The following KRT28 variants were observed in gnomAD, a reference collection of about 807,000 sequenced individuals.
KRT28 encodes keratin, type I cytoskeletal 28.
In KRT28, 45 loss-of-function variants were observed where a neutral mutation model predicts 48.1. The observed-to-expected ratio is 0.94, with a 90% CI of 0.74 to 1.20. KRT28 has a LOEUF of 1.20. KRT28 is among the 50% of genes most tolerant of loss of function. The pLI is 0.00. For synonymous variants in KRT28, 228 were observed against 227.4 expected (o/e 1.00, Z -0.03); for missense variants, 571 against 574.1 (o/e 0.99, Z 0.06).
Position 40,797,214 on chromosome 17 carries a change from AC to A in KRT28, c.757del (p.Val253Ter). 1 of 1,613,834 alleles carries A rather than the reference AC, an allele frequency of 6.2e-7. No homozygotes were observed. Among genetic ancestry groups the A allele is most frequent in the South Asian group, 1.1e-5 (1 of 91,048 alleles). On this transcript the variant is annotated frameshift_variant, in exon 4 of 8. Transcript: ENST00000306658. LOFTEE classifies it high-confidence loss of function. The part of the protein sequence containing the change: ...VNVEMNAAPG[V>X]DLAVLLNNMR... ...GTTGTTCAACAAAACCGCGAGGTCT[AC>A]CCCCGGGGCCGCGTTCATCTCCACG...
chr17:40,793,949 A>G lies in KRT28; in HGVS notation c.1076T>C (p.Leu359Pro). The G allele has an allele frequency of 6.2e-7, 1 of 1,613,920 alleles. No homozygotes were observed. The highest frequency in any genetic ancestry group is 8.5e-7 in the Non-Finnish European group (1 of 1,179,838). ...CTCGGTCTCGGTTCTGACCTGGTGC[A>G]GCTGCTCCTCCAGGGCCCCGATCTG... ...QAQIGALEEQLHQVRTETEGQ... is the reference protein window; with the variant it reads ...QAQIGALEEQPHQVRTETEGQ... Residue 359 changes from leucine (L) to proline (P), a missense_variant, in exon 6 of 8, where the codon CTG (leucine) becomes CCG (proline). By Grantham distance (98) the Leu-to-Pro change is moderately conservative. Transcript: ENST00000306658.
intron 7 of KRT28, 36 bp from the exon 8 acceptor site, chr17:40,792,605 A>G (rs1364698089): frequency 5.9e-6 from 9 of 1,520,618 alleles, no homozygotes; most frequent in African/African-American, 2.8e-5. Flanking sequence ...ATATTCAACC[A>G]AAAAGATTAC....
In KRT28 at chr17:40,799,945, A is replaced by G. The variant is rs1197505721; in HGVS notation, c.-52T>C. On this transcript the variant is annotated 5_prime_UTR_variant, in exon 1 of 8. Transcript: ENST00000306658. ...CTATGCAAAACTGTAATGTCCCAAG[A>G]GAACAGAATATCATGCACTGATAAT... 1.5e-6 allele frequency: 2 copies of G among 1,350,592 alleles called. No individual in the cohort carries two copies. The highest frequency in any genetic ancestry group is 4.6e-5 in the East Asian group (2 of 43,614). 83.7% of individuals were successfully genotyped at this position (1,350,592 alleles called of 1,614,324 possible).
Position 40,798,385 on chromosome 17 carries a change from T to G in KRT28, c.540A>C (p.Glu180Asp). ...CGTTTTGGTGAAGGGTGAGCTCATT[T>G]TCATACCTTGGGGGGCATTTAAGTG... is the stretch of plus-strand genomic sequence containing the variant. ...LAADDFRLKYENELTLHQNVE... is the reference protein window; with the variant it reads ...LAADDFRLKYDNELTLHQNVE... Residue 180 changes from glutamate (E) to aspartate (D), a missense_variant, in exon 3 of 8, where the codon GAA becomes GAC. Glu to Asp is a conservative substitution (Grantham distance 45). Transcript: ENST00000306658. The G allele has an allele frequency of 6.2e-7, 1 of 1,604,002 alleles. No individual in the cohort carries two copies. Among genetic ancestry groups the G allele is most frequent in the Non-Finnish European group, 8.5e-7 (1 of 1,173,544 alleles).
rs2143075649 is a variant in KRT28 at position 40,797,255 on chromosome 17, A to G, written c.717T>C (p.Ala239=). 1 of 1,614,050 alleles carries G rather than the reference A, an allele frequency of 6.2e-7. No homozygotes were observed. ...TCATCTCCACGTTCACGTTGCCCCCAGCCGCGCACTGCAGAGCCTTCATCT... is the reference window on the plus strand; with the variant it reads ...TCATCTCCACGTTCACGTTGCCCCCGGCCGCGCACTGCAGAGCCTTCATCT... The part of the protein sequence containing the change: ...EEEMKALQCA[A]GGNVNVEMNA... Residue 239 remains alanine, a synonymous_variant, in exon 4 of 8, where the codon GCT becomes GCC. Coordinates refer to ENST00000306658, the MANE Select transcript of KRT28 (RefSeq NM_181535.3).
intron 5 of KRT28, among the ~76,000 whole-genome samples, chr17:40,796,303 C>A (rs1904612079): frequency 6.6e-6 from 1 of 152,214 alleles, no homozygotes; most frequent in African/African-American, 2.4e-5. Flanking sequence ...TGGGTTGACG[C>A]CATGCTGACC....
chr17:40,797,622 G>C (rs939745078), intron 3 of KRT28, among the ~76,000 whole-genome samples: 1 of 152,188 alleles, frequency 6.6e-6, no homozygotes, highest in African/African-American at 2.4e-5. Context: ...GGTGGTGTGC[G>C]CCTGTAGTCC....
intron 7 of KRT28, 98 bp downstream of exon 7, chr17:40,793,057 A>G: frequency 1.4e-6 from 1 of 722,402 alleles, no homozygotes; most frequent in Admixed American, 3.3e-5. Context: ...CCGAGATAGC[A>G]CCATTGCATT....
At position 40,797,010 on chromosome 17, in the gene KRT28, T is replaced by G; in HGVS notation, c.884A>C (p.Asp295Ala). The G allele has an allele frequency of 6.2e-7, 1 of 1,612,500 alleles. No individual in the cohort carries two copies. The highest frequency in any genetic ancestry group is 1.3e-5 in the African/African-American group (1 of 74,844). ...SASLQQQISH[D>A]SGAATFARSQ... ...CCGGGCGAAAGTGGCTGCGCCTGAG[T>G]CGTGGGAGATCTGTTGCTGCAGCGA... Residue 295 changes from aspartate (D) to alanine (A), a missense_variant, in exon 5 of 8, where the codon GAC (aspartate) becomes GCC (alanine). Physicochemically the swap from Asp to Ala is moderately radical, Grantham distance 126. Transcript: ENST00000306658.
In KRT28 at chr17:40,798,945, T is replaced by C. The variant is rs1264790663; in HGVS notation, c.505A>G (p.Arg169Gly). 6.2e-7 allele frequency: 1 copy of C among 1,608,516 alleles called. No homozygotes were observed. The highest frequency in any genetic ancestry group is 8.5e-7 in the Non-Finnish European group (1 of 1,177,282). Residue 169 changes from arginine to glycine, a missense_variant, in exon 2 of 8, where the codon AGA (arginine) becomes GGA (glycine). Physicochemically the swap from Arg to Gly is moderately radical, Grantham distance 125 (BLOSUM62 -2). Transcript: ENST00000306658. ...ANVILQIDNA[R>G]LAADDFRLKY... ...AGCCTGAAATCATCAGCAGCCAGTC[T>C]GGCATTATCAATCTGCAGAATGACA...
intron 5 of KRT28, among the ~76,000 whole-genome samples, chr17:40,794,416 G>A (rs1423434066): frequency 6.6e-6 from 1 of 152,124 alleles, no homozygotes; most frequent in Non-Finnish European, 1.5e-5. Flanking sequence ...TTATTTCAGG[G>A]TTACCTGTTG....
intron 7 of KRT28, 77 bp from the exon 8 acceptor site, chr17:40,792,646 A>G: frequency 9.6e-7 from 1 of 1,036,886 alleles, no homozygotes; most frequent in South Asian, 1.7e-5. Context: ...TCAATATAAT[A>G]TATTATGCAT....
At position 40,797,169 on chromosome 17, in the gene KRT28, G is replaced by C; in HGVS notation, c.803C>G (p.Ala268Gly). The C allele has an allele frequency of 6.2e-7, 1 of 1,614,160 alleles. No homozygotes were observed. Among genetic ancestry groups the C allele is most frequent in the Non-Finnish European group, 8.5e-7 (1 of 1,180,028 alleles). Residue 268 changes from alanine to glycine, a missense_variant, in exon 4 of 8, where the codon GCC becomes GGC. Ala to Gly is a moderately conservative substitution (Grantham distance 60). Transcript: ENST00000306658. ...GTCCTTGCGGTTCTGCTCTGCAAGG[G>C]CTTCGTACTCCGCTCGCATGTTGTT... ...LLNNMRAEYE[A>G]LAEQNRKDAE...
In KRT28 at chr17:40,799,645, A is replaced by G. The variant is rs1187665505; in HGVS notation, c.249T>C (p.Ser83=). Residue 83 remains serine, a synonymous_variant, in exon 1 of 8, where the codon TCT becomes TCC. Transcript: ENST00000306658. ...GFAGSEGGLL[S]GNEKVTMQNL... ...TTTGCATGGTCACCTTCTCATTTCC[A>G]GAGAGGAGTCCCCCTTCGCTTCCAG... The G allele has an allele frequency of 1.2e-6, 2 of 1,614,136 alleles. No individual in the cohort carries two copies. The highest frequency in any genetic ancestry group is 1.3e-5 in the African/African-American group (1 of 75,030).
chr17:40,798,881 C>T lies in KRT28; in HGVS notation c.533+36G>A, dbSNP rs183147626. 1.9e-5 allele frequency: 26 copies of T among 1,380,390 alleles called. No homozygotes were observed. The African/African-American group carries it at 2.9e-4, about 15-fold the overall frequency. The allele number at this position is 1,380,390 out of a possible 1,614,324, so 85.5% of individuals were successfully genotyped here. A position where few individuals can be genotyped will look rare whatever the true frequency, so the allele number is the denominator to read the frequency against. ...ATTTAACAAATTAAATAAATAGAAA[C>T]TTTTTTCTAGAGCAGGATTTTCTTC... On this transcript the variant is annotated intron_variant, in intron 2 of 7. Coordinates refer to ENST00000306658, the MANE Select transcript of KRT28 (RefSeq NM_181535.3).
Position 40,797,224 on chromosome 17 carries a change from C to A in KRT28, c.748G>T (p.Ala250Ser). 1.9e-6 allele frequency: 3 copies of A among 1,614,168 alleles called. No individual in the cohort carries two copies. The highest frequency in any genetic ancestry group is 2.5e-6 in the Non-Finnish European group (3 of 1,180,028). ...AAAACCGCGAGGTCTACCCCCGGGG[C>A]CGCGTTCATCTCCACGTTCACGTTG... ...GGNVNVEMNA[A>S]PGVDLAVLLN... The change falls in exon 4 of 8, where the codon GCC (alanine) becomes TCC (serine). Residue 250 changes from alanine to serine, a missense_variant. Transcript: ENST00000306658.
In KRT28 at chr17:40,798,342, C is replaced by T. The variant is rs771268029; in HGVS notation, c.583G>A (p.Gly195Arg). ...AGCTCGTCCAGGACTCGCCGTAATCCGTTGATGTCGGCCTCTACGTTTTGG... is the reference window on the plus strand; with the variant it reads ...AGCTCGTCCAGGACTCGCCGTAATCTGTTGATGTCGGCCTCTACGTTTTGG... ...LHQNVEADIN[G>R]LRRVLDELTL... The change falls in exon 3 of 8, where the codon GGA becomes AGA. Residue 195 changes from glycine to arginine, a missense_variant. Physicochemically the swap from Gly to Arg is moderately radical, Grantham distance 125 (BLOSUM62 -2). Coordinates refer to ENST00000306658, the MANE Select transcript of KRT28 (RefSeq NM_181535.3). 18 of 1,612,858 alleles carry T rather than the reference C, an allele frequency of 1.1e-5. No individual in the cohort carries two copies. Among genetic ancestry groups the T allele is most frequent in the Admixed American group, 1.7e-5 (1 of 60,004 alleles).
At position 40,794,029 on chromosome 17, in the gene KRT28, G is replaced by A. The variant is rs1333272937; in HGVS notation, c.996C>T (p.Cys332=). ...SLMATKHSLE[C]SLTETESNYC... Reference sequence around the variant, plus strand: ...AGTTGCTCTCGGTCTCTGTCAAGGAGCACTCCAGGGAGTGTTTCTGAGGAC... The same window carrying A: ...AGTTGCTCTCGGTCTCTGTCAAGGAACACTCCAGGGAGTGTTTCTGAGGAC... Residue 332 remains cysteine, a synonymous_variant, in exon 6 of 8, where the codon TGC becomes TGT. Transcript: ENST00000306658. The A allele has an allele frequency of 6.2e-7, 1 of 1,613,990 alleles. No homozygotes were observed.
At chr17:40,794,615 C>A (rs1597807444) in intron 5 of KRT28, among the ~76,000 whole-genome samples, 1 of 152,284 alleles carries the variant, frequency 6.6e-6, no homozygotes, top group East Asian at 1.9e-4. Context: ...AGAGCTATAT[C>A]TCATAACACA....
Sources: allele counts gnomAD v4.1 joint callset (sites outside exome capture counted in the v4.1 genomes callset), GRCh38; gene constraint gnomAD v4.1.1; transcripts MANE v1.5; gene names NCBI Gene and HGNC (gene_info 2026-07-23, HGNC 2026-07-21).